PDE12: variants seen among roughly 807,000 people sequenced by gnomAD.
PDE12 encodes the protein phosphodiesterase 12, also known as 2',5'-phosphodiesterase 12.
A neutral mutation model predicts 45.4 loss-of-function variants in PDE12; 26 were observed. The ratio of observed to expected loss-of-function variants is 0.57; its 90% CI spans 0.42 to 0.79. The LOEUF (loss-of-function observed/expected upper bound fraction) is 0.79, where lower values mean the gene tolerates loss of function less well. Ranked by LOEUF, PDE12 falls within the 30% of genes least tolerant of loss-of-function variation. The probability of loss-of-function intolerance (pLI) is 0.00; values close to 1 mark genes in which losing one functional copy is unlikely to be tolerated. For missense variants in PDE12, 668 were observed against 790.0 expected (o/e 0.85, Z 1.85); for synonymous variants, 283 against 323.9 (o/e 0.87, Z 1.36).
At position 57,557,444 on chromosome 3, in the gene PDE12, AGT is replaced by A. The variant is rs1559776838; in HGVS notation, c.1068_1069del (p.Ser358Ter). On this transcript the variant is annotated frameshift_variant, in exon 1 of 3. Coordinates refer to ENST00000311180, the MANE Select transcript of PDE12 (RefSeq NM_177966.7). LOFTEE classifies it high-confidence loss of function. ...VICLQEVDRA[V>X]FSDSLVPALE... Reference sequence around the variant, plus strand: ...TCTGTTTGCAGGAGGTTGACCGCGCAGTGTTTTCTGACAGCTTGGTACCCGCC... The same window carrying A: ...TCTGTTTGCAGGAGGTTGACCGCGCAGTTTTCTGACAGCTTGGTACCCGCC... 2 of 1,613,840 alleles carry A rather than the reference AGT, an allele frequency of 1.2e-6. No individual in the cohort carries two copies. The highest frequency in any genetic ancestry group is 1.7e-5 in the Admixed American group (1 of 59,970).
chr3:57,557,811 C>T, intron 1 of PDE12, 124 bp downstream of exon 1: 1 of 862,316 alleles, frequency 1.2e-6, no homozygotes, highest in Non-Finnish European at 1.8e-6. Flanking sequence ...GTGTGTTTGC[C>T]CTTGTATCTT....
At chr3:57,640,268 CAA>C in the PDE12 span, among the ~76,000 whole-genome samples, 4 of 97,204 alleles carry the variant, frequency 4.1e-5, no homozygotes, top group Non-Finnish European at 6.5e-5. Context: ...GACTCTGTCT[CAA>C]AAAAAAAAAA....
the PDE12 span, among the ~76,000 whole-genome samples, chr3:57,614,425 G>C: frequency 9.9e-5 from 15 of 151,428 alleles, no homozygotes; most frequent in Non-Finnish European, 2.1e-4. Context: ...ATATCTCCAA[G>C]TATTTGGAAA....
the PDE12 span, among the ~76,000 whole-genome samples, chr3:57,582,336 G>A: frequency 6.7e-6 from 1 of 150,270 alleles, no homozygotes; most frequent in East Asian, 2.0e-4. Context: ...TCCACCTCCC[G>A]GGTTCAAGTG....
Position 57,556,868 on chromosome 3 carries a change from C to T in PDE12, c.489C>T (p.Ala163=). ...VKYKVERNPP[A]FTELQLPRYI... is the part of the protein sequence containing the mutation. ...ACAAGGTGGAGCGCAACCCGCCCGC[C>T]TTCACCGAACTGCAGTTGCCGCGCT... is the stretch of plus-strand genomic sequence containing the variant. Residue 163 remains alanine (A), a synonymous_variant, in exon 1 of 3, where the codon GCC becomes GCT. Coordinates refer to ENST00000311180, the MANE Select transcript of PDE12 (RefSeq NM_177966.7). This position sits in a 1 kb window ranked among gnomAD's most constrained non-coding sequence, Gnocchi z 5.0. 1.2e-6 allele frequency: 2 copies of T among 1,614,144 alleles called. No individual in the cohort carries two copies. Among genetic ancestry groups the T allele is most frequent in the Non-Finnish European group, 1.7e-6 (2 of 1,180,042 alleles).
At chr3:57,632,275 C>T in the PDE12 span, among the ~76,000 whole-genome samples, 5 of 151,830 alleles carry the variant, frequency 3.3e-5, no homozygotes, top group African/African-American at 1.2e-4. Context: ...CTGCCCGCCT[C>T]AGTCTCCAAA....
the PDE12 span, chr3:57,584,515 G>A: frequency 1.4e-6 from 2 of 1,438,532 alleles, no homozygotes; most frequent in Non-Finnish European, 1.9e-6. Context: ...CACACTCCAA[G>A]AAATAATTTT....
At chr3:57,618,810 G>A in the PDE12 span, among the ~76,000 whole-genome samples, 1 of 151,492 alleles carries the variant, frequency 6.6e-6, no homozygotes, top group East Asian at 2.0e-4. Context: ...GTTTCACCAT[G>A]TTGCCCAGGC....
chr3:57,610,252 T>A, the PDE12 span, among the ~76,000 whole-genome samples: 1 of 152,172 alleles, frequency 6.6e-6, no homozygotes, highest in Non-Finnish European at 1.5e-5. Flanking sequence ...ATCAGAGCTA[T>A]TTATGACAAA....
intron 1 of PDE12, 74 bp from the exon 2 acceptor site, chr3:57,559,236 C>A (rs1459158203): frequency 7.4e-6 from 9 of 1,222,648 alleles, no homozygotes; most frequent in Admixed American, 3.8e-5. Context: ...CTCAAAAAAA[C>A]AAACAAACAA....
At chr3:57,643,162 CAG>C in the PDE12 span, among the ~76,000 whole-genome samples, 1,990 of 152,088 alleles carry the variant, frequency 0.013, 48 homozygotes, top group African/African-American at 0.045. Flanking sequence ...GAAATGTAAT[CAG>C]AGATATTTTA....
chr3:57,650,201 G>C, the PDE12 span, among the ~76,000 whole-genome samples: 1 of 151,750 alleles, frequency 6.6e-6, no homozygotes, highest in Non-Finnish European at 1.5e-5. Context: ...TACATTCCTC[G>C]TGTGATGGGT....
chr3:57,575,173 G>GC, the PDE12 span, among the ~76,000 whole-genome samples: 1 of 151,960 alleles, frequency 6.6e-6, no homozygotes, highest in East Asian at 1.9e-4. Context: ...TTTAAAACAA[G>GC]CAAACAAACA....
the PDE12 span, among the ~76,000 whole-genome samples, chr3:57,620,356 C>T: frequency 6.6e-6 from 1 of 151,824 alleles, no homozygotes; most frequent in South Asian, 2.1e-4. Context: ...TTTGAGAGCA[C>T]CCTCAGCAAC....
chr3:57,597,372 A>C, the PDE12 span: 1 of 409,794 alleles, frequency 2.4e-6, no homozygotes, highest in Non-Finnish European at 4.5e-6. Flanking sequence ...TCTAGCCTTT[A>C]GGCTCTGGCT....
the PDE12 span, among the ~76,000 whole-genome samples, chr3:57,644,165 A>G: frequency 1.1e-3 from 166 of 151,860 alleles, no homozygotes; most frequent in Non-Finnish European, 2.0e-3. Flanking sequence ...AAAAAAAAAA[A>G]AACTATCAGT....
intron 1 of PDE12, 37 bp downstream of exon 1, chr3:57,557,724 C>A: frequency 6.4e-7 from 1 of 1,565,988 alleles, no homozygotes; most frequent in South Asian, 1.1e-5. Flanking sequence ...CATACTGTCC[C>A]ACTTTTAGGG....
chr3:57,582,836 T>C, the PDE12 span, among the ~76,000 whole-genome samples: 1,578 of 152,246 alleles, frequency 0.01, 18 homozygotes, highest in African/African-American at 0.036. Flanking sequence ...TAAACAAAGG[T>C]AGAGTGAGAA....
At chr3:57,612,393 TAA>T in the PDE12 span, among the ~76,000 whole-genome samples, 1 of 151,478 alleles carries the variant, frequency 6.6e-6, no homozygotes, top group African/African-American at 2.4e-5. Context: ...AGTATAATAA[TAA>T]AAAAAGATGT....
Sources: allele counts gnomAD v4.1 joint callset (sites outside exome capture counted in the v4.1 genomes callset), GRCh38; gene constraint gnomAD v4.1.1; non-coding constraint Gnocchi (gnomAD v3.1); transcripts MANE v1.5; gene names NCBI Gene and HGNC (gene_info 2026-07-23, HGNC 2026-07-21).